CSMD2: variants seen among roughly 807,000 people sequenced by gnomAD.
The protein encoded by CSMD2 is CUB and Sushi multiple domains 2.
CSMD2 carries 130 observed loss-of-function variants against 398.5 expected under a neutral mutation model. The ratio of observed to expected loss-of-function variants is 0.33; its 90% CI spans 0.28 to 0.38. CSMD2 has a LOEUF of 0.38. CSMD2 is among the 10% of genes least tolerant of loss of function. The probability of loss-of-function intolerance (pLI) is 1.00; values close to 1 mark genes in which losing one functional copy is unlikely to be tolerated. For missense variants in CSMD2, 3,829 were observed against 4,764.9 expected, an observed-to-expected ratio of 0.80 and a Z score of 5.78; for synonymous variants, 1,828 against 1,908.5, an observed-to-expected ratio of 0.96 and a Z score of 1.10.
chr1:34,080,344 G>T (rs557296315), intron 2 of CSMD2, among the ~76,000 whole-genome samples: 1 of 151,912 alleles, frequency 6.6e-6, no homozygotes, highest in African/African-American at 2.4e-5. Context: ...TTGCCTATCC[G>T]CAAATATCAG....
At chr1:33,888,634 A>G (rs1335466644) in intron 5 of CSMD2, among the ~76,000 whole-genome samples, 1 of 152,232 alleles carries the variant, frequency 6.6e-6, no homozygotes, top group Admixed American at 6.5e-5. Flanking sequence ...AAATATAAAA[A>G]TTCTGAGAGT....
chr1:34,024,929 G>A (rs1649428406), intron 3 of CSMD2, among the ~76,000 whole-genome samples: 1 of 152,198 alleles, frequency 6.6e-6, no homozygotes, highest in Admixed American at 6.5e-5. Context: ...GAGAGAATCA[G>A]CAGGTCTAAT....
At chr1:33,779,380 C>A (rs1652408134) in intron 12 of CSMD2, among the ~76,000 whole-genome samples, 1 of 152,082 alleles carries the variant, frequency 6.6e-6, no homozygotes, top group African/African-American at 2.4e-5. Flanking sequence ...TTTCTCTGAG[C>A]CTTAGTTTTG....
chr1:33,706,599 G>C (rs1645786192), intron 22 of CSMD2, among the ~76,000 whole-genome samples: 1 of 152,154 alleles, frequency 6.6e-6, no homozygotes, highest in Non-Finnish European at 1.5e-5. Context: ...TTCTTCTTCT[G>C]ATCTACTGAA....
intron 21 of CSMD2, among the ~76,000 whole-genome samples, chr1:33,712,474 C>T (rs1359233874): frequency 6.6e-6 from 1 of 152,190 alleles, no homozygotes; most frequent in Admixed American, 6.5e-5. Context: ...TGAGATGCCT[C>T]CAGCCTGAGC....
chr1:33,537,201 A>C lies in CSMD2; in HGVS notation c.9806-106T>G. The C allele has an allele frequency of 7.6e-7, 1 of 1,308,698 alleles. No individual in the cohort carries two copies. Among genetic ancestry groups the C allele is most frequent in the Non-Finnish European group, 1.1e-6 (1 of 916,520 alleles). The allele number at this position is 1,308,698 out of a possible 1,614,324, so 81.1% of individuals were successfully genotyped here. A position where few individuals can be genotyped will look rare whatever the true frequency, so the allele number is the denominator to read the frequency against. On this transcript the variant is annotated intron_variant, in intron 61 of 70. Coordinates refer to ENST00000373381, the MANE Select transcript of CSMD2 (RefSeq NM_001281956.2). The surrounding 1 kb of genome is among the most constrained non-coding windows in gnomAD (Gnocchi z 4.6). ...GAAAAGAAAATGCGGCCACATCCTG[A>C]CTTCCCTGCCCACTGAGATCCCCAC...
chr1:33,980,546 A>G (rs890023552), intron 3 of CSMD2, among the ~76,000 whole-genome samples: 2 of 152,176 alleles, frequency 1.3e-5, no homozygotes, highest in Non-Finnish European at 2.9e-5. Context: ...TAAGCACTCA[A>G]TTAAGACAGT....
At chr1:33,714,522 C>T in intron 21 of CSMD2, 65 bp downstream of exon 21, 1 of 1,551,396 alleles carries the variant, frequency 6.4e-7, no homozygotes, top group South Asian at 1.2e-5. Context: ...CACCACCTCA[C>T]ATCAATTGAC....
chr1:33,694,425 G>A (rs897274622), intron 24 of CSMD2, among the ~76,000 whole-genome samples: 2 of 152,148 alleles, frequency 1.3e-5, no homozygotes, highest in African/African-American at 4.8e-5. Flanking sequence ...CAGATATTGA[G>A]GGAGGAACCT....
At chr1:33,618,269 T>G (rs535863014) in intron 37 of CSMD2, among the ~76,000 whole-genome samples, 1 of 152,230 alleles carries the variant, frequency 6.6e-6, no homozygotes, top group African/African-American at 2.4e-5. Flanking sequence ...CTGGCCTCAC[T>G]GAGCACTGGC....
At position 33,810,798 on chromosome 1, in the gene CSMD2, T is replaced by C; in HGVS notation, c.1391A>G (p.Gln464Arg). The change falls in exon 10 of 71, where the codon CAG (glutamine) becomes CGG (arginine). Residue 464 changes from glutamine (Q) to arginine (R), a missense_variant. By Grantham distance (43) the Gln-to-Arg change is conservative. Around this residue, in one of 5 missense-constraint regions of CSMD2, gnomAD observed 2,001 missense variants for 2,567.1 expected, o/e 0.78. Coordinates refer to ENST00000373381, the MANE Select transcript of CSMD2 (RefSeq NM_001281956.2). ...GIITSPNFPI[Q>R]YDNNAHCVWI... ...CACACAGTGTGCATTGTTGTCATAC[T>C]GAATGGGGAAATTGGGGGAGGTGAT... 3 of 1,612,706 alleles carry C rather than the reference T, an allele frequency of 1.9e-6. No homozygotes were observed. Among genetic ancestry groups the C allele is most frequent in the South Asian group, 1.1e-5 (1 of 91,016 alleles).
intron 1 of CSMD2, among the ~76,000 whole-genome samples, chr1:34,094,927 A>C (rs1659100191): frequency 6.9e-6 from 1 of 145,444 alleles, no homozygotes; most frequent in African/African-American, 2.6e-5. Context: ...CATCTACAGA[A>C]CTCTCCACCC....
At chr1:33,591,658 T>C (rs1293020167) in intron 44 of CSMD2, 1 of 152,224 alleles carries the variant, frequency 6.6e-6, no homozygotes, top group Non-Finnish European at 1.5e-5. Context: ...GTTCTCATTC[T>C]GTCACCCAGG....
Position 33,724,792 on chromosome 1 carries a change from C to T in CSMD2, c.2696-88G>A, listed in dbSNP as rs2149203853. ...GACTCCAAAGAGTAAGAAGAGAGCC[C>T]TGGTTTATTAAAGGCAGAAGTTGCC... is the stretch of plus-strand genomic sequence containing the variant. On this transcript the variant is annotated intron_variant, in intron 17 of 70. Coordinates refer to ENST00000373381, the MANE Select transcript of CSMD2 (RefSeq NM_001281956.2). The T allele has an allele frequency of 2.3e-6, 3 of 1,278,574 alleles. No individual in the cohort carries two copies. The East Asian group carries it at 7.1e-5, about 30-fold the overall frequency. 79.2% of individuals were successfully genotyped at this position (1,278,574 alleles called of 1,614,324 possible).
At chr1:33,941,080 C>G (rs944985050) in intron 3 of CSMD2, among the ~76,000 whole-genome samples, 1 of 152,056 alleles carries the variant, frequency 6.6e-6, no homozygotes, top group Non-Finnish European at 1.5e-5. Context: ...TGATTGCTTA[C>G]CAAATGAAGA....
At chr1:33,594,145 T>C (rs955259869) in intron 44 of CSMD2, among the ~76,000 whole-genome samples, 3 of 152,230 alleles carry the variant, frequency 2.0e-5, no homozygotes, top group Non-Finnish European at 4.4e-5. Flanking sequence ...GCTTAACTAG[T>C]ATCAACACTC....
chr1:33,747,637 A>G (rs545122), intron 13 of CSMD2, among the ~76,000 whole-genome samples: 11,255 of 152,252 alleles, frequency 0.074, 470 homozygotes, highest in Admixed American at 0.11. Flanking sequence ...ATAAAACATC[A>G]GTTATGACAA....
intron 5 of CSMD2, among the ~76,000 whole-genome samples, chr1:33,880,400 A>C (rs1641154265): frequency 6.6e-6 from 1 of 152,348 alleles, no homozygotes; most frequent in African/African-American, 2.4e-5. Flanking sequence ...GAATGGATAC[A>C]TTTCCATACC....
chr1:33,757,612 T>C (rs2149291121), intron 13 of CSMD2, among the ~76,000 whole-genome samples: 1 of 152,196 alleles, frequency 6.6e-6, no homozygotes, highest in Admixed American at 6.5e-5. Flanking sequence ...CCTACCACAC[T>C]CCAGACTTGA....
Sources: gnomAD v4.1 joint callset for allele counts (sites outside exome capture counted in the v4.1 genomes callset) on GRCh38, gnomAD v4.1.1 for gene constraint, gnomAD v4.1.1 regional missense constraint, Gnocchi (gnomAD v3.1) non-coding constraint, MANE v1.5 for transcripts, NCBI Gene and HGNC (gene_info 2026-07-23, HGNC 2026-07-21) for gene names.